Variants in OR4N2 observed in about 807,000 individuals in gnomAD.
OR4N2 encodes the protein olfactory receptor family 4 subfamily N member 2.
For missense variants in OR4N2, 307 were observed against 377.6 expected, an observed-to-expected ratio of 0.81 and a Z score of 1.55; for synonymous variants, 141 against 140.4, an observed-to-expected ratio of 1.00 and a Z score of -0.03.
intron 1 of OR4N2, among the ~76,000 whole-genome samples, chr14:19,824,803 G>C (rs1174862843): frequency 6.6e-6 from 1 of 152,170 alleles, no homozygotes; most frequent in Admixed American, 6.5e-5. Flanking sequence ...TAGGATTATA[G>C]TATATAATAC....
intron 1 of OR4N2, among the ~76,000 whole-genome samples, chr14:19,812,329 C>CTTTTTTTTTTTT (rs3078143): frequency 0.031 from 3,607 of 116,310 alleles, 17 homozygotes; most frequent in East Asian, 0.068. Context: ...CTTTTCTTTT[C>CTTTTTTTTTTTT]TTTTTTTTTT....
chr14:19,810,250 C>T (rs556324710), intron 1 of OR4N2, among the ~76,000 whole-genome samples: 17 of 152,344 alleles, frequency 1.1e-4, no homozygotes, highest in East Asian at 9.6e-4. Context: ...TGTTCGACAT[C>T]GCTAATCATT....
chr14:19,812,204 A>G (rs1311136453), intron 1 of OR4N2, among the ~76,000 whole-genome samples: 1 of 152,170 alleles, frequency 6.6e-6, no homozygotes, highest in African/African-American at 2.4e-5. Flanking sequence ...ATTTTTTTAT[A>G]TAAAGTGTTA....
At position 19,812,637 on chromosome 14, in the gene OR4N2, C is replaced by T. The variant is rs1388277949; in HGVS notation, c.-10+8793C>T. On this transcript the variant is annotated intron_variant, in intron 1 of 1. Transcript: ENST00000557677. ...CCTCCCAAAGTGCTGGGATGACAGG[C>T]GTGAGCCACCGTGCCCAGCCATTTT... is the stretch of plus-strand genomic sequence containing the variant. Among the ~76,000 whole-genome samples the T allele has an allele frequency of 5.3e-5, 8 of 152,200 alleles. No homozygotes were observed. The East Asian group carries it at 5.8e-4, about 11-fold the overall frequency.
At chr14:19,827,390 G>T in intron 1 of OR4N2, 50 bp from the exon 2 acceptor site, 2 of 1,473,304 alleles carry the variant, frequency 1.4e-6, no homozygotes, top group East Asian at 2.3e-5. Context: ...CTAGTATCTA[G>T]TTGGAAGACA....
chr14:19,828,701 C>A lies in OR4N2; in HGVS notation c.*329C>A, dbSNP rs1266374974. On this transcript the variant is annotated 3_prime_UTR_variant, in exon 2 of 2. Coordinates refer to ENST00000557677, the MANE Select transcript of OR4N2 (RefSeq NM_001004723.3). ...ATTTGTGTTTAATAATCAAAAAAGA[C>A]CTTGAAGAGCTGACGTTTTGGATGA... 4.1e-6 allele frequency: 1 copy of A among 241,638 alleles called. No individual in the cohort carries two copies. The highest frequency in any genetic ancestry group is 2.3e-5 in the African/African-American group (1 of 43,244). The allele number at this position is 241,638 out of a possible 1,614,324, so 15.0% of individuals were successfully genotyped here.
chr14:19,806,647 G>T (rs1430309085), intron 1 of OR4N2, among the ~76,000 whole-genome samples: 6 of 147,284 alleles, frequency 4.1e-5, no homozygotes, highest in Admixed American at 3.4e-4. Flanking sequence ...TCCACTGATG[G>T]TATCATTAAG....
At chr14:19,817,189 G>A (rs1464915138) in intron 1 of OR4N2, among the ~76,000 whole-genome samples, 1 of 152,126 alleles carries the variant, frequency 6.6e-6, no homozygotes, top group East Asian at 1.9e-4. Flanking sequence ...TTGGTATCAG[G>A]ATGATGCTGG....
chr14:19,827,867 C>A lies in OR4N2; in HGVS notation c.419C>A (p.Thr140Asn). The change falls in exon 2 of 2, where the codon ACC becomes AAC. Residue 140 changes from threonine to asparagine, a missense_variant. Physicochemically the swap from Thr to Asn is moderately conservative, Grantham distance 65. Coordinates refer to ENST00000557677, the MANE Select transcript of OR4N2 (RefSeq NM_001004723.3). ...TATCCTACTGTCATGAACCCTAGAA[C>A]CTGCTATGCAATGATGTTGGCTCTG... ...LHYPTVMNPR[T>N]CYAMMLALWL... 6.2e-7 allele frequency: 1 copy of A among 1,614,260 alleles called. No homozygotes were observed. The highest frequency in any genetic ancestry group is 8.5e-7 in the Non-Finnish European group (1 of 1,180,048).
chr14:19,822,652 C>CA (rs1337375332), intron 1 of OR4N2, among the ~76,000 whole-genome samples: 3 of 152,244 alleles, frequency 2.0e-5, no homozygotes, highest in Non-Finnish European at 2.9e-5. Context: ...AGGGGTTACT[C>CA]AAAGACATTG....
At chr14:19,814,157 T>A (rs1879369532) in intron 1 of OR4N2, among the ~76,000 whole-genome samples, 1 of 152,126 alleles carries the variant, frequency 6.6e-6, no homozygotes, top group South Asian at 2.1e-4. Context: ...TAAAATAGAA[T>A]TAATAAAATA....
intron 1 of OR4N2, among the ~76,000 whole-genome samples, chr14:19,811,429 G>A (rs1436340747): frequency 8.5e-5 from 13 of 152,176 alleles, no homozygotes; most frequent in Non-Finnish European, 4.4e-5. Context: ...TGTATTTTTA[G>A]TAGAGATGGG....
chr14:19,806,419 A>C (rs1469447949), intron 1 of OR4N2, among the ~76,000 whole-genome samples: 1 of 152,088 alleles, frequency 6.6e-6, no homozygotes, highest in Non-Finnish European at 1.5e-5. Context: ...CAAAAATAGT[A>C]GGGGTCACTA....
In OR4N2 at chr14:19,829,963, C is replaced by G. The variant is rs565335119; in HGVS notation, c.*1591C>G. ...AGCAGGTGAGAATTCCTTAATCTCC[C>G]ATCACTACCACTATACAACCTGCAT... On this transcript the variant is annotated 3_prime_UTR_variant, in exon 2 of 2. Transcript: ENST00000557677. 1 of 152,376 alleles carries G rather than the reference C, an allele frequency of 6.6e-6. No homozygotes were observed. Among genetic ancestry groups the G allele is most frequent in the Non-Finnish European group, 1.5e-5 (1 of 68,060 alleles). The allele number at this position is 152,376 out of a possible 1,614,324, so 9.4% of individuals were successfully genotyped here.
rs188721552 is a variant in OR4N2, at chr14:19,818,752, G to C, written c.-9-8688G>C. On this transcript the variant is annotated intron_variant, in intron 1 of 1. Transcript: ENST00000557677. ...ATGTTATCTGGTTATTTTGCCTGTT[G>C]GTTAATGCAGTTTCTTCATAGCTTC... 6.6e-5 allele frequency among the ~76,000 whole-genome samples: 10 copies of C among 151,742 alleles called. No homozygotes were observed. In the East Asian group the frequency reaches 1.9e-3, roughly 29 times the overall value.
intron 1 of OR4N2, among the ~76,000 whole-genome samples, chr14:19,812,424 A>G (rs1879323898): frequency 6.7e-6 from 1 of 149,032 alleles, no homozygotes. Context: ...CCACCTCCCG[A>G]GTTCACGCCA....
intron 1 of OR4N2, among the ~76,000 whole-genome samples, chr14:19,815,809 T>C (rs1196643884): frequency 9.2e-5 from 14 of 152,236 alleles, no homozygotes; most frequent in African/African-American, 3.4e-4. Context: ...CTAGGTTTTC[T>C]TTTAGGGTTT....
intron 1 of OR4N2, among the ~76,000 whole-genome samples, chr14:19,827,118 T>C (rs1879718911): frequency 6.6e-6 from 1 of 152,242 alleles, no homozygotes; most frequent in Non-Finnish European, 1.5e-5. Flanking sequence ...AGGTTGTGTC[T>C]CCATTAGGAA....
chr14:19,811,426 T>C (rs1879293906), intron 1 of OR4N2, among the ~76,000 whole-genome samples: 1 of 152,188 alleles, frequency 6.6e-6, no homozygotes, highest in Admixed American at 6.5e-5. Context: ...TTTTGTATTT[T>C]TAGTAGAGAT....
Sources: allele counts gnomAD v4.1 joint callset (sites outside exome capture counted in the v4.1 genomes callset), GRCh38; gene constraint gnomAD v4.1.1; transcripts MANE v1.5; gene names NCBI Gene and HGNC (gene_info 2026-07-23, HGNC 2026-07-21).